The following ZSCAN5A variants were observed in gnomAD, a reference collection of about 807,000 sequenced individuals.
The protein encoded by ZSCAN5A is zinc finger and SCAN domain containing 5A, also known as zinc finger and SCAN domain-containing protein 5A.
Under a neutral mutation model 23.7 loss-of-function variants are expected in ZSCAN5A, and 12 were observed. The observed-to-expected ratio is 0.51, with a 90% CI of 0.32 to 0.82. The LOEUF is 0.82. ZSCAN5A is among the 40% of genes least tolerant of loss of function. The pLI, the probability that ZSCAN5A is intolerant of heterozygous loss-of-function variation, is 0.03. For synonymous variants in ZSCAN5A, 257 were observed against 239.9 expected, an observed-to-expected ratio of 1.07 and a Z score of -0.66; for missense variants, 597 against 617.9, an observed-to-expected ratio of 0.97 and a Z score of 0.36.
rs1427058134 is a variant in ZSCAN5A at position 56,230,633 on chromosome 19, G to A, written c.-127-5460C>T. 9.5e-4 allele frequency among the ~76,000 whole-genome samples: 87 copies of A among 91,390 alleles called. 1 individual carries two copies. Among genetic ancestry groups the A allele is most frequent in the South Asian group, 5.3e-3 (13 of 2,452 alleles). The allele number at this position is 91,390 out of a possible 152,430, so 60.0% of individuals were successfully genotyped here. A position where few individuals can be genotyped will look rare whatever the true frequency, so the allele number is the denominator to read the frequency against. On this transcript the variant is annotated intron_variant, in intron 2 of 5. Coordinates refer to ENST00000683990, the MANE Select transcript of ZSCAN5A (RefSeq NM_001322064.3). ...TTTCTTGATGTGTGTGTGTGTGTGT[G>A]TGTGTGTGTGTGTGTGTGTGTGTTG...
intron 1 of ZSCAN5A, 56 bp from the exon 2 acceptor site, chr19:56,313,440 T>C (rs1039886872): frequency 6.1e-6 from 1 of 163,684 alleles, no homozygotes; most frequent in Non-Finnish European, 1.4e-5. Context: ...AAGAACAGCA[T>C]GGGAAAGACC....
In ZSCAN5A at chr19:56,363,934, A is replaced by AG. The variant is rs201772075; in HGVS notation, c.-521-537dup. ...ACCTGGCCATGTGGTAGAAGAGAAA[A>AG]GCCTATTTTCAAGAGAAGAATTCAA... is the stretch of plus-strand genomic sequence containing the variant. On this transcript the variant is annotated intron_variant, in intron 1 of 6. Transcript: ENST00000587340. Among the ~76,000 whole-genome samples, 207 of 152,362 alleles carry AG rather than the reference A, an allele frequency of 1.4e-3. 3 individuals are homozygous for AG. The East Asian group carries it at 0.031, about 23-fold the overall frequency.
At chr19:56,305,280 CTCTCTG>C (rs1443934391) in intron 2 of ZSCAN5A, among the ~76,000 whole-genome samples, 4 of 152,326 alleles carry the variant, frequency 2.6e-5, no homozygotes, top group African/African-American at 9.6e-5. Context: ...CACTAGTCTA[CTCTCTG>C]TCTCTGAGAA....
chr19:56,294,652 T>C (rs918170332), intron 2 of ZSCAN5A, among the ~76,000 whole-genome samples: 2 of 152,158 alleles, frequency 1.3e-5, no homozygotes, highest in Non-Finnish European at 2.9e-5. Flanking sequence ...AATAAAACTT[T>C]ATTTACAAAA....
intron 2 of ZSCAN5A, among the ~76,000 whole-genome samples, chr19:56,273,871 G>C (rs892304400): frequency 6.6e-6 from 1 of 152,180 alleles, no homozygotes; most frequent in Non-Finnish European, 1.5e-5. Context: ...GCGTGTGTGT[G>C]CATGTATGTG....
At chr19:56,245,317 C>T (rs755636907) in intron 2 of ZSCAN5A, 3 of 744,090 alleles carry the variant, frequency 4.0e-6, no homozygotes, top group Non-Finnish European at 7.5e-6. Context: ...ATCCGAGAGG[C>T]GTGTCCAGCC....
At chr19:56,321,497 T>A in intron 2 of ZSCAN5A, 2 of 718,870 alleles carry the variant, frequency 2.8e-6, no homozygotes. Context: ...AGGACATCCT[T>A]GCACCATGCA....
intron 2 of ZSCAN5A, among the ~76,000 whole-genome samples, chr19:56,345,782 C>G (rs1467862301): frequency 6.6e-6 from 1 of 152,036 alleles, no homozygotes; most frequent in Non-Finnish European, 1.5e-5. Context: ...TTACAGTGCA[C>G]TTAGAAAAAA....
chr19:56,273,590 T>G (rs775854690), intron 2 of ZSCAN5A, among the ~76,000 whole-genome samples: 8 of 151,710 alleles, frequency 5.3e-5, no homozygotes, highest in Non-Finnish European at 8.8e-5. Flanking sequence ...AGCTGAAGAG[T>G]TAGGAGAGAC....
At chr19:56,317,044 C>G (rs1007971194), upstream of ZSCAN5A, 3 of 152,372 alleles carry the variant, frequency 2.0e-5, no homozygotes, top group African/African-American at 7.2e-5. Flanking sequence ...GCCACATTGC[C>G]CAGGCTGGTC....
intron 2 of ZSCAN5A, among the ~76,000 whole-genome samples, chr19:56,337,188 C>T (rs1010445714): frequency 9.2e-5 from 14 of 152,372 alleles, no homozygotes; most frequent in Admixed American, 9.1e-4. Context: ...CAGGTGGAGC[C>T]TACAGAGGCA....
rs966759653 is a variant in ZSCAN5A, at chr19:56,249,340, C to T, written c.-127-24167G>A. Among the ~76,000 whole-genome samples, 5 of 152,298 alleles carry T rather than the reference C, an allele frequency of 3.3e-5. No homozygotes were observed. The East Asian group carries it at 5.8e-4, about 18-fold the overall frequency. ...TGGCTGGAGTGCAGTCGCGCAATCT[C>T]GGCTCACCCCAACCTCCACCTCCCG... is the stretch of plus-strand genomic sequence containing the variant. On this transcript the variant is annotated intron_variant, in intron 2 of 5. Transcript: ENST00000683990.
chr19:56,335,953 G>A (rs1355207105), intron 2 of ZSCAN5A, among the ~76,000 whole-genome samples: 7 of 148,638 alleles, frequency 4.7e-5, no homozygotes, highest in Admixed American at 1.3e-4. Flanking sequence ...CCGAGAGATC[G>A]CTGTTAGTCT....
At chr19:56,358,085 C>G (rs1221667973) in intron 2 of ZSCAN5A, among the ~76,000 whole-genome samples, 1 of 148,660 alleles carries the variant, frequency 6.7e-6, no homozygotes, top group Non-Finnish European at 1.5e-5. Flanking sequence ...ATATATTCAC[C>G]CAATACAGGA....
intron 2 of ZSCAN5A, among the ~76,000 whole-genome samples, chr19:56,273,448 G>A (rs979346753): frequency 4.6e-5 from 6 of 131,624 alleles, no homozygotes; most frequent in Non-Finnish European, 1.0e-4. Flanking sequence ...CGGGCTTGAT[G>A]CTGGGAATAT....
chr19:56,307,364 T>C (rs981928776), intron 2 of ZSCAN5A, among the ~76,000 whole-genome samples: 4 of 152,264 alleles, frequency 2.6e-5, no homozygotes, highest in African/African-American at 9.6e-5. Context: ...CTATGATGAG[T>C]GTCTTTCAAA....
At chr19:56,333,874 A>T (rs2041512102) in intron 2 of ZSCAN5A, among the ~76,000 whole-genome samples, 3 of 151,160 alleles carry the variant, frequency 2.0e-5, no homozygotes, top group South Asian at 4.1e-4. Flanking sequence ...TATATATATA[A>T]GAATCTTGTC....
intron 2 of ZSCAN5A, among the ~76,000 whole-genome samples, chr19:56,278,866 G>A (rs556198067): frequency 1.8e-4 from 28 of 152,280 alleles, no homozygotes; most frequent in Non-Finnish European, 3.2e-4. Context: ...AGCTGCAGAA[G>A]GGAGAGCAAG....
intron 2 of ZSCAN5A, among the ~76,000 whole-genome samples, chr19:56,305,832 A>G (rs1046419270): frequency 6.6e-6 from 1 of 152,202 alleles, no homozygotes; most frequent in African/African-American, 2.4e-5. Flanking sequence ...ACAATGAATC[A>G]AAGGCCTGTA....
Sources: allele counts gnomAD v4.1 joint callset (sites outside exome capture counted in the v4.1 genomes callset), GRCh38; gene constraint gnomAD v4.1.1; transcripts MANE v1.5; gene names NCBI Gene and HGNC (gene_info 2026-07-23, HGNC 2026-07-21).